The following CPNE4 variants were observed in gnomAD, a reference collection of about 807,000 sequenced individuals.
CPNE4 encodes copine 4, also known as copine-4.
In CPNE4, 25 loss-of-function variants were observed where a neutral mutation model predicts 67.9. That is an observed-to-expected ratio of 0.37 (90% CI 0.27 to 0.51). The LOEUF is 0.51. Ranked by LOEUF, CPNE4 falls within the 20% of genes least tolerant of loss-of-function variation. The probability of loss-of-function intolerance (pLI) is 0.93; values close to 1 mark genes in which losing one functional copy is unlikely to be tolerated. For missense variants in CPNE4, 464 were observed against 690.8 expected (o/e 0.67, Z 3.68); for synonymous variants, 242 against 244.9 (o/e 0.99, Z 0.11).
At chr3:131,873,799 G>T (rs2107699947) in intron 2 of CPNE4, among the ~76,000 whole-genome samples, 1 of 152,250 alleles carries the variant, frequency 6.6e-6, no homozygotes, top group East Asian at 1.9e-4. Context: ...CGGGAAAGTG[G>T]TAGTACATCC....
At chr3:131,547,192 T>C (rs112642621) in intron 14 of CPNE4, among the ~76,000 whole-genome samples, 1,653 of 152,124 alleles carry the variant, frequency 0.011, 31 homozygotes, top group African/African-American at 0.038. Context: ...CATTGGCTCA[T>C]GCCTATAACC....
Position 131,535,086 on chromosome 3 carries a change from A to T in CPNE4, c.*109T>A, listed in dbSNP as rs1935057988. On this transcript the variant is annotated 3_prime_UTR_variant, in exon 16 of 16. Coordinates refer to ENST00000429747, the MANE Select transcript of CPNE4 (RefSeq NM_130808.3). Reference sequence around the variant, plus strand: ...AAAATCACCAAAACGTGCTATTTTTAAATGTGTATATGTTGTTGGTTTTTT... The same window carrying T: ...AAAATCACCAAAACGTGCTATTTTTTAATGTGTATATGTTGTTGGTTTTTT... 1 of 1,177,510 alleles carries T rather than the reference A, an allele frequency of 8.5e-7. No homozygotes were observed. The highest frequency in any genetic ancestry group is 2.8e-5 in the Admixed American group (1 of 35,996). 72.9% of individuals were successfully genotyped at this position (1,177,510 alleles called of 1,614,324 possible).
intron 2 of CPNE4, among the ~76,000 whole-genome samples, chr3:131,794,950 C>G (rs1331592270): frequency 6.6e-6 from 1 of 152,212 alleles, no homozygotes; most frequent in Non-Finnish European, 1.5e-5. Flanking sequence ...CATCTTCAAC[C>G]ACCAGAGGGA....
At chr3:131,538,214 G>T (rs1010804829) in intron 15 of CPNE4, among the ~76,000 whole-genome samples, 3 of 152,234 alleles carry the variant, frequency 2.0e-5, no homozygotes, top group Admixed American at 6.5e-5. Context: ...GTGCTGTCCA[G>T]TATGGGAGGT....
chr3:131,741,210 A>C (rs946815635), intron 2 of CPNE4, among the ~76,000 whole-genome samples: 1 of 152,136 alleles, frequency 6.6e-6, no homozygotes, highest in Non-Finnish European at 1.5e-5. Context: ...GTAAATGACA[A>C]CAGTATTTAA....
chr3:131,582,368 A>G (rs559382242), intron 8 of CPNE4, among the ~76,000 whole-genome samples: 231 of 152,310 alleles, frequency 1.5e-3, no homozygotes, highest in Non-Finnish European at 2.6e-3. Flanking sequence ...TCTCCAGCCT[A>G]CAGAAGATTT....
At chr3:131,857,576 C>T (rs762899527) in intron 2 of CPNE4, among the ~76,000 whole-genome samples, 55 of 152,060 alleles carry the variant, frequency 3.6e-4, no homozygotes, top group Non-Finnish European at 5.6e-4. Context: ...GAGAAAAGAT[C>T]TGGGTTCTGG....
At chr3:131,652,330 G>A (rs1462309279) in intron 7 of CPNE4, among the ~76,000 whole-genome samples, 4 of 152,168 alleles carry the variant, frequency 2.6e-5, no homozygotes, top group Admixed American at 1.3e-4. Flanking sequence ...AGTAGACACT[G>A]GAATTTAGGA....
At chr3:132,000,558 A>C (rs912801101) in intron 1 of CPNE4, among the ~76,000 whole-genome samples, 1 of 151,700 alleles carries the variant, frequency 6.6e-6, no homozygotes, top group Non-Finnish European at 1.5e-5. Flanking sequence ...AGGACAAACA[A>C]TAAAGCAAGG....
intron 11 of CPNE4, among the ~76,000 whole-genome samples, chr3:131,559,821 A>AGTT (rs1357921069): frequency 2.0e-5 from 3 of 152,024 alleles, no homozygotes; most frequent in African/African-American, 4.8e-5. Flanking sequence ...GATATCAAAT[A>AGTT]GTTACGGCAT....
intron 2 of CPNE4, among the ~76,000 whole-genome samples, chr3:131,779,720 A>C (rs571683358): frequency 6.6e-6 from 1 of 152,066 alleles, no homozygotes. Flanking sequence ...AAAATCTAAA[A>C]CCATAAAAGC....
intron 2 of CPNE4, among the ~76,000 whole-genome samples, chr3:131,839,861 G>C (rs570123453): frequency 6.6e-6 from 1 of 152,250 alleles, no homozygotes; most frequent in South Asian, 2.1e-4. Flanking sequence ...TCTATCACCT[G>C]TTAAAGGAGG....
At chr3:131,750,391 G>A (rs1224612695) in intron 2 of CPNE4, among the ~76,000 whole-genome samples, 3 of 152,024 alleles carry the variant, frequency 2.0e-5, no homozygotes, top group Middle Eastern at 3.4e-3. Flanking sequence ...TATTTTTCCT[G>A]CCATCCTATG....
chr3:131,823,533 C>T (rs2085040768), intron 2 of CPNE4, among the ~76,000 whole-genome samples: 1 of 152,158 alleles, frequency 6.6e-6, no homozygotes. Flanking sequence ...TCAGAACTTT[C>T]ATTTTCACTG....
intron 1 of CPNE4, among the ~76,000 whole-genome samples, chr3:131,942,567 C>T (rs1051437313): frequency 5.2e-4 from 77 of 149,338 alleles, no homozygotes; most frequent in Non-Finnish European, 8.9e-4. Flanking sequence ...TATTCCAGTG[C>T]CTTTGATCTG....
At chr3:131,984,000 CAGAA>C (rs1221229890) in intron 1 of CPNE4, among the ~76,000 whole-genome samples, 7 of 152,266 alleles carry the variant, frequency 4.6e-5, no homozygotes, top group African/African-American at 1.7e-4. Context: ...CAAAAGCAAC[CAGAA>C]GCATTTTGCC....
At position 132,034,924 on chromosome 3, in the gene CPNE4, G is replaced by C. The variant is rs191979429; in HGVS notation, c.-359C>G. 2,893 of 985,334 alleles carry C rather than the reference G, an allele frequency of 2.9e-3. 5 individuals are homozygous for C. Among genetic ancestry groups the C allele is most frequent in the Non-Finnish European group, 3.4e-3 (2,803 of 829,986 alleles). The allele number at this position is 985,334 out of a possible 1,614,324, so 61.0% of individuals were successfully genotyped here. ...AGGGAGGGAGTGGAGTGGAGCGAGG[G>C]AGGAAGGAAAGGAGGGTGGCAGAAA... On this transcript the variant is annotated 5_prime_UTR_variant, in exon 1 of 16. Transcript: ENST00000429747.
chr3:132,037,196 A>G (rs772863374), upstream of CPNE4, among the ~76,000 whole-genome samples: 6 of 152,242 alleles, frequency 3.9e-5, no homozygotes, highest in Non-Finnish European at 7.3e-5. Flanking sequence ...CAAACTAAAC[A>G]CAATGCCACA....
chr3:131,810,509 T>C (rs1308824487), intron 2 of CPNE4, among the ~76,000 whole-genome samples: 1 of 151,918 alleles, frequency 6.6e-6, no homozygotes, highest in Non-Finnish European at 1.5e-5. Flanking sequence ...AAGGCAATCA[T>C]AGATTAAAAA....
Sources: gnomAD v4.1 joint callset for allele counts (sites outside exome capture counted in the v4.1 genomes callset) on GRCh38, gnomAD v4.1.1 for gene constraint, MANE v1.5 for transcripts, NCBI Gene and HGNC (gene_info 2026-07-23, HGNC 2026-07-21) for gene names.